PRRC2C: variants seen among roughly 807,000 people sequenced by gnomAD.
PRRC2C encodes proline rich coiled-coil 2C.
A neutral mutation model predicts 317.2 loss-of-function variants in PRRC2C; 72 were observed. The observed-to-expected ratio is 0.23, with a 90% CI of 0.19 to 0.28. PRRC2C has a LOEUF of 0.28. PRRC2C is among the 10% of genes least tolerant of loss of function. The pLI is 1.00. For synonymous variants in PRRC2C, 1,296 were observed against 1,205.9 expected (o/e 1.07, Z -1.55); for missense variants, 3,074 against 3,459.7 (o/e 0.89, Z 2.80).
chr1:171,566,497 GAACTT>G, intron 21 of PRRC2C, 76 bp downstream of exon 21: 1 of 1,480,094 alleles, frequency 6.8e-7, no homozygotes, highest in Non-Finnish European at 9.0e-7. Flanking sequence ...TTTTAAAAGT[GAACTT>G]AATTTTAATG....
intron 10 of PRRC2C, among the ~76,000 whole-genome samples, chr1:171,526,805 CTTTTTTTTT>C (rs938229816): frequency 1.1e-5 from 1 of 90,208 alleles, no homozygotes; most frequent in South Asian, 5.8e-4. Flanking sequence ...AGAAATATAT[CTTTTTTTTT>C]TTTTTTTTTT....
rs1678005847 is a variant in PRRC2C at position 171,541,830 on chromosome 1, TAGC to T, written c.4367_4369del (p.Ala1456del). ...GCTGCTTCAAAATCAAATGAGGTGG[TAGC>T]AGTGCCCACAAATGGCACAGTTAAT... On this transcript the variant is annotated inframe_deletion, in exon 16 of 35. Transcript: ENST00000647382. This position sits in a 1 kb window ranked among gnomAD's most constrained non-coding sequence, Gnocchi z 4.1. 6.2e-7 allele frequency: 1 copy of T among 1,613,788 alleles called. No homozygotes were observed. Among genetic ancestry groups the T allele is most frequent in the Non-Finnish European group, 8.5e-7 (1 of 1,179,856 alleles).
intron 26 of PRRC2C, among the ~76,000 whole-genome samples, chr1:171,578,015 C>T (rs1414987547): frequency 2.7e-5 from 4 of 147,096 alleles, no homozygotes; most frequent in South Asian, 2.2e-4. Context: ...AGGCTGGCCT[C>T]GAACTCCTGA....
rs1431489243 is a variant in PRRC2C, at chr1:171,537,333, T to G, written c.2364T>G (p.Phe788Leu). 3 of 1,599,126 alleles carry G rather than the reference T, an allele frequency of 1.9e-6. No individual in the cohort carries two copies. In the African/African-American group the frequency reaches 4.0e-5, roughly 21 times the overall value. ...MEGSPNSSESFEHIARSARDH... is the reference protein window; with the variant it reads ...MEGSPNSSESLEHIARSARDH... ...GGTCACCGAACAGTTCTGAGTCATT[T>G]GAGCATATAGCTCGATCTGCAAGAG... is the stretch of plus-strand genomic sequence containing the variant. The change falls in exon 15 of 35, where the codon TTT becomes TTG. Residue 788 changes from phenylalanine to leucine, a missense_variant. Phe to Leu is a conservative substitution (Grantham distance 22). Transcript: ENST00000647382.
chr1:171,567,704 G>A (rs998663671), intron 22 of PRRC2C, among the ~76,000 whole-genome samples: 12 of 152,284 alleles, frequency 7.9e-5, no homozygotes, highest in African/African-American at 2.4e-4. Context: ...TAAATATTTG[G>A]TACTGTTGAC....
intron 16 of PRRC2C, among the ~76,000 whole-genome samples, chr1:171,544,404 G>A (rs929599024): frequency 1.4e-4 from 22 of 152,182 alleles, no homozygotes; most frequent in Non-Finnish European, 2.8e-4. Flanking sequence ...GATTACAGGT[G>A]TGAGCCACTG....
intron 25 of PRRC2C, 75 bp downstream of exon 25, chr1:171,575,203 A>G: frequency 1.5e-6 from 2 of 1,342,986 alleles, no homozygotes; most frequent in South Asian, 2.7e-5. Context: ...CTTGTTTACT[A>G]TCTCTAGCCC....
intron 1 of PRRC2C, among the ~76,000 whole-genome samples, chr1:171,502,663 G>T (rs553216474): frequency 6.6e-6 from 1 of 152,120 alleles, no homozygotes; most frequent in Non-Finnish European, 1.5e-5. Flanking sequence ...AACCTGTAGA[G>T]AATTGTTTTG....
intron 1 of PRRC2C, among the ~76,000 whole-genome samples, chr1:171,497,292 G>C (rs971086883): frequency 2.0e-5 from 3 of 152,062 alleles, no homozygotes; most frequent in African/African-American, 4.8e-5. Context: ...TAAATAATGA[G>C]ATTATGTTGG....
At chr1:171,556,587 T>G (rs1397815703) in intron 18 of PRRC2C, among the ~76,000 whole-genome samples, 1 of 152,208 alleles carries the variant, frequency 6.6e-6, no homozygotes, top group Non-Finnish European at 1.5e-5. Flanking sequence ...AAGACCATCT[T>G]TACTTTAACA....
chr1:171,591,389 TAA>T, intron 34 of PRRC2C, 196 bp from the exon 35 acceptor site: 3 of 594,944 alleles, frequency 5.0e-6, no homozygotes, highest in Middle Eastern at 5.8e-4. Context: ...TTTTTTTTTT[TAA>T]ATCACATGAA....
At chr1:171,577,709 T>G in intron 26 of PRRC2C, 72 bp downstream of exon 26, 2 of 1,359,516 alleles carry the variant, frequency 1.5e-6, no homozygotes. Flanking sequence ...TTTTGTCTCT[T>G]CTTACCCTTT....
intron 33 of PRRC2C, 111 bp downstream of exon 33, chr1:171,588,616 A>C (rs1261379022): frequency 1.6e-6 from 2 of 1,220,002 alleles, no homozygotes; most frequent in Non-Finnish European, 1.1e-6. Context: ...GTTTTTAATA[A>C]AAAATTGTTT....
At chr1:171,527,380 GCCTCGGCCTC>G (rs1674829115) in intron 10 of PRRC2C, among the ~76,000 whole-genome samples, 1 of 151,866 alleles carries the variant, frequency 6.6e-6, no homozygotes, top group African/African-American at 2.4e-5. Context: ...TGATCCGCCT[GCCTCGGCCTC>G]CCAAAGTGCT....
intron 1 of PRRC2C, among the ~76,000 whole-genome samples, chr1:171,507,110 C>G (rs996882333): frequency 1.3e-5 from 2 of 151,976 alleles, no homozygotes; most frequent in Non-Finnish European, 2.9e-5. Flanking sequence ...GTCTGTTAGA[C>G]AAGCCAGATG....
chr1:171,494,824 T>C (rs1025481218), intron 1 of PRRC2C, among the ~76,000 whole-genome samples: 8 of 152,110 alleles, frequency 5.3e-5, no homozygotes, highest in Admixed American at 2.6e-4. Context: ...TAAGAGTTAT[T>C]GTATCCCCTA....
Position 171,532,667 on chromosome 1 carries a change from C to G in PRRC2C, c.1579C>G (p.Gln527Glu), listed in dbSNP as rs866721147. Residue 527 changes from glutamine to glutamate, a missense_variant, in exon 12 of 35, where the codon CAG (glutamine) becomes GAG (glutamate). Physicochemically the swap from Gln to Glu is conservative, Grantham distance 29. Transcript: ENST00000647382. ...GAAAGAACTTGAAAAAGAACAAGAA[C>G]AGGAGCGAGAGAAGGAGAGGGAAAA... is the stretch of plus-strand genomic sequence containing the variant. The part of the protein sequence containing the change: ...REKELEKEQE[Q>E]EREKEREKDR... 6.4e-7 allele frequency: 1 copy of G among 1,551,118 alleles called. No homozygotes were observed. Among genetic ancestry groups the G allele is most frequent in the Non-Finnish European group, 8.7e-7 (1 of 1,146,968 alleles).
rs984640246 is a variant in PRRC2C, at chr1:171,557,329, C to G, written c.5217C>G (p.Ile1739Met). 1 of 1,551,888 alleles carries G rather than the reference C, an allele frequency of 6.4e-7. No individual in the cohort carries two copies. Among genetic ancestry groups the G allele is most frequent in the Non-Finnish European group, 8.7e-7 (1 of 1,147,048 alleles). ...TTGCCAAAAAACAGGCTACAGGGAT[C>G]CAGCAAGCACAGTCTTCAGCCTCAG... is the stretch of plus-strand genomic sequence containing the variant. ...PRFAKKQATG[I>M]QQAQSSASVP... The change falls in exon 19 of 35, where the codon ATC (isoleucine) becomes ATG (methionine). Residue 1739 changes from isoleucine to methionine, a missense_variant. This residue lies in a region of PRRC2C where 640 missense variants were observed against 676.1 expected (regional missense o/e 0.95). Coordinates refer to ENST00000647382, the MANE Select transcript of PRRC2C (RefSeq NM_001387844.1).
At chr1:171,572,373 G>A (rs532670000) in intron 24 of PRRC2C, among the ~76,000 whole-genome samples, 20 of 152,178 alleles carry the variant, frequency 1.3e-4, no homozygotes, top group African/African-American at 4.6e-4. Flanking sequence ...TAATATAGTA[G>A]GGCTTCCTGA....
Sources: allele counts gnomAD v4.1 joint callset (sites outside exome capture counted in the v4.1 genomes callset), GRCh38; gene constraint gnomAD v4.1.1; regional missense constraint gnomAD v4.1.1; non-coding constraint Gnocchi (gnomAD v3.1); transcripts MANE v1.5; gene names NCBI Gene and HGNC (gene_info 2026-07-23, HGNC 2026-07-21).